The following RAD51B variants were observed in gnomAD, a reference collection of about 807,000 sequenced individuals.
The protein encoded by RAD51B is RAD51 paralog B, also known as DNA repair protein RAD51 homolog 2.
A neutral mutation model predicts 42.2 loss-of-function variants in RAD51B; 38 were observed. The ratio of observed to expected loss-of-function variants is 0.90; its 90% CI spans 0.70 to 1.18. The LOEUF (loss-of-function observed/expected upper bound fraction) is 1.18, where lower values mean the gene tolerates loss of function less well. Ranked by LOEUF, RAD51B falls within the 50% of genes most tolerant of loss-of-function variation. The probability of loss-of-function intolerance (pLI) is 0.00; values close to 1 mark genes in which losing one functional copy is unlikely to be tolerated. For missense variants in RAD51B, 373 were observed against 400.7 expected (o/e 0.93, Z 0.59); for synonymous variants, 154 against 145.2 (o/e 1.06, Z -0.43).
intron 8 of RAD51B, among the ~76,000 whole-genome samples, chr14:68,301,851 C>T (rs2081747713): frequency 6.6e-6 from 1 of 152,140 alleles, no homozygotes; most frequent in Non-Finnish European, 1.5e-5. Flanking sequence ...CCTGCCTTGG[C>T]CTCCCAAATT....
chr14:68,336,082 A>G (rs1000940558), intron 8 of RAD51B, among the ~76,000 whole-genome samples: 1 of 152,258 alleles, frequency 6.6e-6, no homozygotes, highest in African/African-American at 2.4e-5. Flanking sequence ...AACAATAATA[A>G]TAGTACCTAT....
intron 7 of RAD51B, among the ~76,000 whole-genome samples, chr14:68,027,612 G>A (rs894764070): frequency 5.9e-5 from 9 of 152,128 alleles, no homozygotes; most frequent in Non-Finnish European, 1.2e-4. Context: ...TTTCCTCAGT[G>A]TGGTCTGTTC....
At chr14:68,494,204 T>C (rs1884313133) in intron 10 of RAD51B, among the ~76,000 whole-genome samples, 1 of 148,196 alleles carries the variant, frequency 6.7e-6, no homozygotes, top group African/African-American at 2.5e-5. Context: ...CCCTTGAACC[T>C]GGGAGGCAGA....
At chr14:68,081,851 C>T (rs998139581) in intron 7 of RAD51B, among the ~76,000 whole-genome samples, 5 of 152,168 alleles carry the variant, frequency 3.3e-5, no homozygotes, top group East Asian at 1.9e-4. Context: ...TTGAAGAATA[C>T]GCTTTGACCT....
At chr14:68,651,766 C>T (rs1381644475) in intron 11 of RAD51B, among the ~76,000 whole-genome samples, 3 of 152,196 alleles carry the variant, frequency 2.0e-5, no homozygotes, top group African/African-American at 7.2e-5. Flanking sequence ...ATTTATAATC[C>T]AGCTGGAGAG....
chr14:67,834,910 T>G (rs1186586325), intron 3 of RAD51B, among the ~76,000 whole-genome samples, 170 bp from the exon 4 acceptor site: 2 of 152,184 alleles, frequency 1.3e-5, no homozygotes, highest in African/African-American at 4.8e-5. Context: ...CATATCCCCA[T>G]AATCTAGCAC....
rs187436915 is a variant in RAD51B at position 67,935,494 on chromosome 14, A to G, written c.756+48290A>G. On this transcript the variant is annotated intron_variant, in intron 7 of 10. Transcript: ENST00000471583. ...ATTTTCCTGCCTCAGCATCCCATGT[A>G]GCTAGGACTACAGGCACATACCATC... 9.2e-5 allele frequency among the ~76,000 whole-genome samples: 14 copies of G among 152,208 alleles called. No individual in the cohort carries two copies. The East Asian group carries it at 1.9e-3, about 21-fold the overall frequency.
chr14:68,630,192 G>GACGTAAGTC (rs1312825765), intron 10 of RAD51B, among the ~76,000 whole-genome samples: 1 of 152,018 alleles, frequency 6.6e-6, no homozygotes, highest in African/African-American at 2.4e-5. Flanking sequence ...CAAGCTTAGA[G>GACGTAAGTC]ACGTAAGTCA....
intron 10 of RAD51B, among the ~76,000 whole-genome samples, chr14:68,547,634 C>T (rs1034615362): frequency 6.6e-6 from 1 of 152,202 alleles, no homozygotes; most frequent in Non-Finnish European, 1.5e-5. Flanking sequence ...TGTCTCTTTC[C>T]CTCTCTCTGT....
chr14:67,930,174 T>G (rs905039859), intron 7 of RAD51B, among the ~76,000 whole-genome samples: 1 of 152,222 alleles, frequency 6.6e-6, no homozygotes, highest in Admixed American at 6.5e-5. Flanking sequence ...AGTGGAGAAT[T>G]TAATCCATTA....
chr14:67,950,128 C>T (rs75793251), intron 7 of RAD51B, among the ~76,000 whole-genome samples: 31 of 152,254 alleles, frequency 2.0e-4, no homozygotes, highest in East Asian at 5.8e-4. Context: ...TAGCCTCTAC[C>T]GAGAGAGTCA....
chr14:68,166,109 A>G (rs1958116), intron 7 of RAD51B, among the ~76,000 whole-genome samples: 117,933 of 150,944 alleles, frequency 0.78, 46,745 homozygotes, highest in East Asian at 0.98. Flanking sequence ...TGAGATCTGT[A>G]TTCTGTTTTC....
At chr14:68,251,376 G>C (rs573654001) in intron 7 of RAD51B, among the ~76,000 whole-genome samples, 2 of 152,134 alleles carry the variant, frequency 1.3e-5, no homozygotes, top group East Asian at 1.9e-4. Context: ...AGAGCCAAGC[G>C]TGTGTTTTTT....
intron 10 of RAD51B, among the ~76,000 whole-genome samples, chr14:68,566,002 C>T (rs190254624): frequency 6.6e-6 from 1 of 152,318 alleles, no homozygotes; most frequent in African/African-American, 2.4e-5. Context: ...TAGGACCATT[C>T]TTCTAGAATA....
chr14:68,440,928 A>G lies in RAD51B; in HGVS notation c.958-27244A>G, dbSNP rs188716486. On this transcript the variant is annotated intron_variant, in intron 9 of 10. Transcript: ENST00000471583. ...TTGATTTATTTGGGATGTGTCTTGC[A>G]AGTCCACAAATGCTTTAACACAGTA... Among the ~76,000 whole-genome samples, 79 of 152,326 alleles carry G rather than the reference A, an allele frequency of 5.2e-4. 1 individual carries two copies. Among genetic ancestry groups the G allele is most frequent in the Admixed American group, 1.3e-3 (20 of 15,302 alleles).
intron 7 of RAD51B, among the ~76,000 whole-genome samples, chr14:67,989,474 A>C (rs975970414): frequency 2.0e-5 from 3 of 151,950 alleles, no homozygotes; most frequent in African/African-American, 7.2e-5. Context: ...CATCTCTACT[A>C]AAAATACAAA....
chr14:67,954,995 G>A (rs1410863659), intron 7 of RAD51B, among the ~76,000 whole-genome samples: 2 of 152,066 alleles, frequency 1.3e-5, no homozygotes, highest in Non-Finnish European at 2.9e-5. Flanking sequence ...GAGGACAGAT[G>A]CTGAGGGAGG....
At chr14:68,349,486 C>T (rs983098908) in intron 8 of RAD51B, among the ~76,000 whole-genome samples, 4 of 152,110 alleles carry the variant, frequency 2.6e-5, no homozygotes, top group African/African-American at 7.2e-5. Flanking sequence ...TCTGCCTCAC[C>T]CTCTCTAGAA....
chr14:68,023,367 C>T (rs1165418343), intron 7 of RAD51B, among the ~76,000 whole-genome samples: 1 of 151,982 alleles, frequency 6.6e-6, no homozygotes, highest in African/African-American at 2.4e-5. Flanking sequence ...AGACAGTCTC[C>T]CTCTGTCATC....
Sources: gnomAD v4.1 joint callset for allele counts (sites outside exome capture counted in the v4.1 genomes callset) on GRCh38, gnomAD v4.1.1 for gene constraint, MANE v1.5 for transcripts, NCBI Gene and HGNC (gene_info 2026-07-23, HGNC 2026-07-21) for gene names.